Variants in STK35 observed in about 807,000 individuals in gnomAD.
STK35 encodes the protein serine/threonine-protein kinase 35.
STK35 carries 17 observed loss-of-function variants against 37.3 expected under a neutral mutation model. The observed-to-expected ratio is 0.46, with a 90% confidence interval of 0.31 to 0.68. The LOEUF is 0.68. Among genes scored for constraint, STK35 ranks in the 30% least tolerant of loss-of-function variants. STK35 has a pLI of 0.05. For missense variants in STK35, 595 were observed against 746.7 expected, an observed-to-expected ratio of 0.80 and a Z score of 2.37; for synonymous variants, 385 against 319.1, an observed-to-expected ratio of 1.21 and a Z score of -2.20.
intron 3 of STK35, among the ~76,000 whole-genome samples, chr20:2,118,209 A>G (rs532029928): frequency 1.3e-5 from 2 of 152,294 alleles, no homozygotes; most frequent in East Asian, 1.9e-4. Flanking sequence ...CAGGGACTGT[A>G]TGACATTCCC....
rs771086824 is a variant in STK35 at position 2,145,313 on chromosome 20, G to A, written c.*1567G>A. On this transcript the variant is annotated 3_prime_UTR_variant, in exon 4 of 4. Transcript: ENST00000381482. ...AAATAGTATAGGGCCACTGGGGAGG[G>A]GGAAGGGAATCATTTTGTGTTCATT... 6.6e-6 allele frequency: 1 copy of A among 152,258 alleles called. No homozygotes were observed. The highest frequency in any genetic ancestry group is 2.4e-5 in the African/African-American group (1 of 41,444). 9.4% of individuals were successfully genotyped at this position (152,258 alleles called of 1,614,324 possible).
In STK35 at chr20:2,101,896, G is replaced by A. The variant is rs1408265980; in HGVS notation, c.15G>A (p.Glu5=). 2.8e-6 allele frequency: 4 copies of A among 1,447,340 alleles called. No individual in the cohort carries two copies. Among genetic ancestry groups the A allele is most frequent in the African/African-American group, 1.5e-5 (1 of 68,386 alleles). The allele number at this position is 1,447,340 out of a possible 1,614,324, so 89.7% of individuals were successfully genotyped here. Residue 5 remains glutamate (E), a synonymous_variant, in exon 1 of 4, where the codon GAG becomes GAA. Coordinates refer to ENST00000381482, the MANE Select transcript of STK35 (RefSeq NM_080836.4). MGHQ[E]SPLARAPAGG... ...CGTCCCGGGGGATGGGCCACCAGGAGTCTCCGCTGGCCCGGGCGCCGGCGG... is the reference window on the plus strand; with the variant it reads ...CGTCCCGGGGGATGGGCCACCAGGAATCTCCGCTGGCCCGGGCGCCGGCGG...
rs149317288 is a variant in STK35 at position 2,114,225 on chromosome 20, C to T, written c.893-2441C>T. 4.8e-3 allele frequency among the ~76,000 whole-genome samples: 738 copies of T among 152,166 alleles called. 3 individuals carry two copies. The highest frequency in any genetic ancestry group is 0.017 in the African/African-American group (702 of 41,524). The stretch of plus-strand genomic sequence containing the variant: ...GCTGCAGCTTCTCATGAAAGAAGTC[C>T]AGGGGCCTTTCCTGCGCAAAGAAGT... On this transcript the variant is annotated intron_variant, in intron 2 of 3. Coordinates refer to ENST00000381482, the MANE Select transcript of STK35 (RefSeq NM_080836.4).
chr20:2,120,475 G>A (rs1985797950), intron 3 of STK35, among the ~76,000 whole-genome samples: 1 of 152,192 alleles, frequency 6.6e-6, no homozygotes, highest in Non-Finnish European at 1.5e-5. Context: ...CCCTGTCTTA[G>A]GTGGGCACTT....
rs997155203 is a variant in STK35 at position 2,101,920 on chromosome 20, G to A, written c.39G>A (p.Ala13=). The A allele has an allele frequency of 8.2e-6, 12 of 1,466,670 alleles. No homozygotes were observed. The highest frequency in any genetic ancestry group is 1.1e-5 in the Non-Finnish European group (12 of 1,106,012). The allele number at this position is 1,466,670 out of a possible 1,614,324, so 90.9% of individuals were successfully genotyped here. ...HQESPLARAP[A]GGAAYVKRLC... is the part of the protein sequence containing the mutation. ...AGTCTCCGCTGGCCCGGGCGCCGGC[G>A]GGAGGTGCAGCTTATGTAAAGAGGT... The change falls in exon 1 of 4, where the codon GCG becomes GCA. Residue 13 remains alanine (A), a synonymous_variant. Transcript: ENST00000381482.
chr20:2,103,507 G>A, intron 2 of STK35, 142 bp downstream of exon 2: 2 of 767,334 alleles, frequency 2.6e-6, no homozygotes, highest in Non-Finnish European at 4.0e-6. Context: ...CTCCTTTCCT[G>A]GGCCCAGGCA....
At chr20:2,137,095 T>C (rs899661321) in intron 3 of STK35, among the ~76,000 whole-genome samples, 2 of 152,220 alleles carry the variant, frequency 1.3e-5, no homozygotes, top group African/African-American at 4.8e-5. Context: ...CCCTGGCAAG[T>C]GACTGCAGTG....
chr20:2,123,639 G>T (rs1212529973), intron 3 of STK35, among the ~76,000 whole-genome samples: 1 of 152,176 alleles, frequency 6.6e-6, no homozygotes, highest in Non-Finnish European at 1.5e-5. Flanking sequence ...AATCAGCAGT[G>T]ATACTAAAAA....
chr20:2,111,563 T>C (rs577181228), intron 2 of STK35, among the ~76,000 whole-genome samples: 1 of 152,162 alleles, frequency 6.6e-6, no homozygotes, highest in South Asian at 2.1e-4. Context: ...CCGGGCGTGG[T>C]GGTGCATGGT....
intron 3 of STK35, among the ~76,000 whole-genome samples, chr20:2,130,723 A>G (rs1234599439): frequency 6.6e-6 from 1 of 151,886 alleles, no homozygotes; most frequent in Non-Finnish European, 1.5e-5. Context: ...CAGGGGAGGG[A>G]GATGGGGGAA....
intron 3 of STK35, among the ~76,000 whole-genome samples, chr20:2,139,654 G>T (rs73892043): frequency 6.6e-6 from 1 of 152,166 alleles, no homozygotes; most frequent in Non-Finnish European, 1.5e-5. Flanking sequence ...ACCTCTTAGG[G>T]TTGCTGGGGT....
chr20:2,104,630 G>A (rs1326847667), intron 2 of STK35, among the ~76,000 whole-genome samples: 3 of 152,056 alleles, frequency 2.0e-5, no homozygotes, highest in Non-Finnish European at 2.9e-5. Flanking sequence ...GAGTTTGGAG[G>A]GGGTGGTTTC....
intron 3 of STK35, among the ~76,000 whole-genome samples, chr20:2,132,667 C>T (rs1217291590): frequency 6.6e-6 from 1 of 152,244 alleles, no homozygotes; most frequent in African/African-American, 2.4e-5. Context: ...GCACAGGCAC[C>T]TTCCAGAGCA....
chr20:2,112,645 C>T (rs1029658999), intron 2 of STK35, among the ~76,000 whole-genome samples: 9 of 152,094 alleles, frequency 5.9e-5, no homozygotes, highest in Non-Finnish European at 1.3e-4. Context: ...GCCTTAGTTG[C>T]CCCACCTGTA....
At chr20:2,115,484 C>T (rs893433418) in intron 2 of STK35, among the ~76,000 whole-genome samples, 1 of 152,096 alleles carries the variant, frequency 6.6e-6, no homozygotes, top group African/African-American at 2.4e-5. Flanking sequence ...CAGAACAAGC[C>T]AGCACATTTG....
At chr20:2,136,168 G>T (rs566072313) in intron 3 of STK35, among the ~76,000 whole-genome samples, 1 of 152,208 alleles carries the variant, frequency 6.6e-6, no homozygotes, top group Non-Finnish European at 1.5e-5. Context: ...ACCCCTCCAC[G>T]TGAAACAGAT....
At chr20:2,133,170 C>A (rs568577694) in intron 3 of STK35, among the ~76,000 whole-genome samples, 4 of 152,340 alleles carry the variant, frequency 2.6e-5, no homozygotes, top group South Asian at 2.1e-4. Context: ...GTGGACCTCT[C>A]TGTGGGTGTG....
At chr20:2,123,667 A>G (rs1985856963) in intron 3 of STK35, among the ~76,000 whole-genome samples, 1 of 152,256 alleles carries the variant, frequency 6.6e-6, no homozygotes, top group African/African-American at 2.4e-5. Flanking sequence ...AGAAATGCGT[A>G]ATTAACATGG....
chr20:2,142,474 C>T (rs1357018759), intron 3 of STK35, among the ~76,000 whole-genome samples: 1 of 152,208 alleles, frequency 6.6e-6, no homozygotes, highest in East Asian at 1.9e-4. Flanking sequence ...CAGTGAAAGA[C>T]TTGTCTGCTT....
Sources: gnomAD v4.1 joint callset for allele counts (sites outside exome capture counted in the v4.1 genomes callset) on GRCh38, gnomAD v4.1.1 for gene constraint, MANE v1.5 for transcripts, NCBI Gene and HGNC (gene_info 2026-07-23, HGNC 2026-07-21) for gene names.